Variants in MAP3K5 observed in about 807,000 individuals in gnomAD.
MAP3K5 encodes mitogen-activated protein kinase kinase kinase 5.
MAP3K5 carries 56 observed loss-of-function variants against 158.7 expected under a neutral mutation model. The observed-to-expected ratio is 0.35, with a 90% CI of 0.28 to 0.44. MAP3K5 has a LOEUF of 0.44. Ranked by LOEUF, MAP3K5 falls within the 20% of genes least tolerant of loss-of-function variation. MAP3K5 has a pLI of 1.00. For synonymous variants in MAP3K5, 579 were observed against 601.7 expected (o/e 0.96, Z 0.55); for missense variants, 1,294 against 1,674.8 (o/e 0.77, Z 3.97).
In MAP3K5 at chr6:136,637,345, A is replaced by G; in HGVS notation, c.1996T>C (p.Cys666Arg). ...EKGRSTEEGD[C>R]ESDLLEYDYE... ...ATTACCTCCAGCAAGTCACTTTCAC[A>G]GTCTCCTTCCTCTGTGCTTCTCCCC... The change falls in exon 14 of 30, where the codon TGT becomes CGT. Residue 666 changes from cysteine to arginine, a missense_variant. By Grantham distance (180) the Cys-to-Arg change is radical. Transcript: ENST00000359015. 1 of 1,611,922 alleles carries G rather than the reference A, an allele frequency of 6.2e-7. No homozygotes were observed.
intron 28 of MAP3K5, among the ~76,000 whole-genome samples, chr6:136,559,515 G>T (rs1830410458): frequency 6.6e-6 from 1 of 152,184 alleles, no homozygotes; most frequent in Non-Finnish European, 1.5e-5. Flanking sequence ...AGCAAATCTT[G>T]TATTTAGAAG....
chr6:136,715,453 GA>G (rs1319114006), intron 2 of MAP3K5, among the ~76,000 whole-genome samples: 1 of 152,110 alleles, frequency 6.6e-6, no homozygotes, highest in Non-Finnish European at 1.5e-5. Flanking sequence ...TAACATTACA[GA>G]TACAGTTGAA....
At chr6:136,572,225 T>A (rs935658805) in intron 25 of MAP3K5, among the ~76,000 whole-genome samples, 5 of 152,226 alleles carry the variant, frequency 3.3e-5, no homozygotes, top group African/African-American at 1.2e-4. Flanking sequence ...TACAACTTTC[T>A]ATAATTATTC....
At chr6:136,702,765 G>A (rs1411665162) in intron 3 of MAP3K5, among the ~76,000 whole-genome samples, 5 of 152,098 alleles carry the variant, frequency 3.3e-5, no homozygotes, top group South Asian at 2.1e-4. Flanking sequence ...ACATGATCTC[G>A]GCTCACTGCA....
At chr6:136,683,599 C>T (rs1583411658) in intron 7 of MAP3K5, among the ~76,000 whole-genome samples, 1 of 152,298 alleles carries the variant, frequency 6.6e-6, no homozygotes, top group East Asian at 1.9e-4. Flanking sequence ...CTGCTACTTG[C>T]AATATGCCAA....
In MAP3K5 at chr6:136,611,268, TTGCA is replaced by T; in HGVS notation, c.2521+10_2521+13del. 1.3e-6 allele frequency: 2 copies of T among 1,530,614 alleles called. No individual in the cohort carries two copies. The highest frequency in any genetic ancestry group is 1.8e-6 in the Non-Finnish European group (2 of 1,104,354). 94.8% of individuals were successfully genotyped at this position (1,530,614 alleles called of 1,614,324 possible). On this transcript the variant is annotated intron_variant, in intron 18 of 29. Transcript: ENST00000359015. ...TAATTACATAAGATCTGTATCATCA[TTGCA>T]AAAACATACCAGTAAAAGTTTCAGT...
chr6:136,741,007 T>C (rs1352693136), intron 1 of MAP3K5, among the ~76,000 whole-genome samples: 1 of 152,184 alleles, frequency 6.6e-6, no homozygotes, highest in Non-Finnish European at 1.5e-5. Flanking sequence ...CCAATAGTTC[T>C]CACCACATTT....
Position 136,637,373 on chromosome 6 carries a change from C to G in MAP3K5, c.1968G>C (p.Glu656Asp). Residue 656 changes from glutamate (E) to aspartate (D), a missense_variant, in exon 14 of 30, where the codon GAG becomes GAC. Physicochemically the swap from Glu to Asp is conservative, Grantham distance 45. Around this residue, in one of 5 missense-constraint regions of MAP3K5, gnomAD observed 690 missense variants for 870.5 expected, o/e 0.79. Transcript: ENST00000359015. ...CTCCTTCCTCTGTGCTTCTCCCCTT[C>G]TCTTCGGTAATGGTGTTCACCATCT... Reference protein sequence around the residue: ...FFEMVNTITEEKGRSTEEGDC... With the variant: ...FFEMVNTITEDKGRSTEEGDC... 1 of 1,612,154 alleles carries G rather than the reference C, an allele frequency of 6.2e-7. No individual in the cohort carries two copies. Among genetic ancestry groups the G allele is most frequent in the East Asian group, 2.2e-5 (1 of 44,868 alleles).
At chr6:136,679,723 T>C (rs890426144) in intron 7 of MAP3K5, among the ~76,000 whole-genome samples, 1 of 152,224 alleles carries the variant, frequency 6.6e-6, no homozygotes, top group Non-Finnish European at 1.5e-5. Flanking sequence ...ATTTTTATGA[T>C]CTGCTGTTTA....
intron 17 of MAP3K5, 111 bp from the exon 18 acceptor site, chr6:136,611,498 C>A: frequency 1.7e-6 from 1 of 592,112 alleles, no homozygotes; most frequent in Non-Finnish European, 3.1e-6. Context: ...CAGCTACCAA[C>A]GACATTAATT....
At chr6:136,767,599 GA>G (rs201136669) in intron 1 of MAP3K5, among the ~76,000 whole-genome samples, 2,278 of 150,130 alleles carry the variant, frequency 0.015, 67 homozygotes, top group African/African-American at 0.052. Flanking sequence ...AAACAAAAAG[GA>G]AAAAAAAATG....
chr6:136,740,102 A>G (rs1782648091), intron 1 of MAP3K5, among the ~76,000 whole-genome samples: 1 of 152,222 alleles, frequency 6.6e-6, no homozygotes, highest in Admixed American at 6.5e-5. Flanking sequence ...AGCCAAGGTA[A>G]TGATGGAAAT....
Position 136,567,814 on chromosome 6 carries a change from T to G in MAP3K5, c.3578A>C (p.Asp1193Ala). 6.2e-7 allele frequency: 1 copy of G among 1,614,072 alleles called. No homozygotes were observed. The highest frequency in any genetic ancestry group is 8.5e-7 in the Non-Finnish European group (1 of 1,179,950). The change falls in exon 26 of 30, where the codon GAT becomes GCT. Residue 1193 changes from aspartate (D) to alanine (A), a missense_variant. By Grantham distance (126) the Asp-to-Ala change is moderately radical. Coordinates refer to ENST00000359015, the MANE Select transcript of MAP3K5 (RefSeq NM_005923.4). ...CTGTTCCTCATGGTCATCTTCTACA[T>G]CCAAGTCTTCTTGATCAGCAGTATC... ...ESDTADQEDL[D>A]VEDDHEEQPS... is the part of the protein sequence containing the mutation.
chr6:136,734,732 CT>C (rs1330194269), intron 1 of MAP3K5, among the ~76,000 whole-genome samples: 1 of 151,596 alleles, frequency 6.6e-6, no homozygotes, highest in Non-Finnish European at 1.5e-5. Context: ...TTTTTTTGGT[CT>C]CTCATATTTA....
At chr6:136,694,712 T>G (rs148695517) in intron 6 of MAP3K5, among the ~76,000 whole-genome samples, 499 of 152,330 alleles carry the variant, frequency 3.3e-3, no homozygotes, top group Non-Finnish European at 5.8e-3. Context: ...TTTCAATGGC[T>G]TTTGCTCCAA....
At position 136,791,897 on chromosome 6, in the gene MAP3K5, G is replaced by A. The variant is rs1272566845; in HGVS notation, c.261C>T (p.Gly87=). Residue 87 remains glycine (G), a synonymous_variant, in exon 1 of 30, where the codon GGC becomes GGT. Coordinates refer to ENST00000359015, the MANE Select transcript of MAP3K5 (RefSeq NM_005923.4). ...CATATGCCACCGTGGTCCGTCGGCT[G>A]CCCCCGCCAACAGAGCTGCCCCGGC... is the stretch of plus-strand genomic sequence containing the variant. ...TRGRGSSVGG[G]SRRTTVAYVI... 2 of 1,613,164 alleles carry A rather than the reference G, an allele frequency of 1.2e-6. No individual in the cohort carries two copies. Among genetic ancestry groups the A allele is most frequent in the East Asian group, 2.2e-5 (1 of 44,844 alleles).
Position 136,561,621 on chromosome 6 carries a change from T to C in MAP3K5, c.3899A>G (p.His1300Arg), listed in dbSNP as rs753439800. 11 of 1,611,556 alleles carry C rather than the reference T, an allele frequency of 6.8e-6. No individual in the cohort carries two copies. The highest frequency in any genetic ancestry group is 1.7e-5 in the Admixed American group (1 of 60,020). ...PIEIPELPVF[H>R]LNSSGTNTED... The stretch of plus-strand genomic sequence containing the variant: ...AGTATTTGTGCCAGAAGAATTTAGA[T>C]GAAATACAGGCAATTCAGGAATTTC... Residue 1300 changes from histidine (H) to arginine (R), a missense_variant, in exon 28 of 30, where the codon CAT becomes CGT. Coordinates refer to ENST00000359015, the MANE Select transcript of MAP3K5 (RefSeq NM_005923.4).
chr6:136,716,917 G>A (rs1269391899), intron 2 of MAP3K5, among the ~76,000 whole-genome samples: 1 of 152,050 alleles, frequency 6.6e-6, no homozygotes, highest in Non-Finnish European at 1.5e-5. Flanking sequence ...CAGCACTTTG[G>A]GGGGCCGAGG....
chr6:136,570,221 C>A (rs1774302284), intron 25 of MAP3K5, among the ~76,000 whole-genome samples: 2 of 152,156 alleles, frequency 1.3e-5, no homozygotes, highest in African/African-American at 4.8e-5. Flanking sequence ...GGCCTGCCAG[C>A]CAAATCCTCT....
Sources: gnomAD v4.1 joint callset for allele counts (sites outside exome capture counted in the v4.1 genomes callset) on GRCh38, gnomAD v4.1.1 for gene constraint, gnomAD v4.1.1 regional missense constraint, MANE v1.5 for transcripts, NCBI Gene and HGNC (gene_info 2026-07-23, HGNC 2026-07-21) for gene names.